The following SCAMP1 variants were observed in gnomAD, a reference collection of about 807,000 sequenced individuals.
SCAMP1 encodes secretory carrier-associated membrane protein 1.
SCAMP1 carries 15 observed loss-of-function variants against 41.8 expected under a neutral mutation model. The observed-to-expected ratio is 0.36, with a 90% confidence interval of 0.24 to 0.55. The LOEUF is 0.55. SCAMP1 is among the 20% of genes least tolerant of loss of function. The pLI, the probability that SCAMP1 is intolerant of heterozygous loss-of-function variation, is 0.86. For missense variants in SCAMP1, 341 were observed against 412.6 expected, an observed-to-expected ratio of 0.83 and a Z score of 1.50; for synonymous variants, 135 against 136.8, an observed-to-expected ratio of 0.99 and a Z score of 0.09.
chr5:78,447,258 A>G (rs1327755289), intron 6 of SCAMP1, among the ~76,000 whole-genome samples: 5 of 152,240 alleles, frequency 3.3e-5, no homozygotes, highest in African/African-American at 7.2e-5. Flanking sequence ...ACTCATTGCC[A>G]TGTTTTATAC....
At chr5:78,417,024 G>A (rs1466305865) in intron 4 of SCAMP1, among the ~76,000 whole-genome samples, 1 of 152,166 alleles carries the variant, frequency 6.6e-6, no homozygotes, top group African/African-American at 2.4e-5. Flanking sequence ...ATTTATTCAG[G>A]TTAATTTCAG....
chr5:78,432,245 A>G (rs971124514), intron 6 of SCAMP1, among the ~76,000 whole-genome samples: 3 of 152,016 alleles, frequency 2.0e-5, no homozygotes, highest in Non-Finnish European at 4.4e-5. Flanking sequence ...GGAAAAATGA[A>G]TTTTACATTG....
At chr5:78,416,819 T>C (rs187201130) in intron 4 of SCAMP1, among the ~76,000 whole-genome samples, 170 bp downstream of exon 4, 1 of 152,212 alleles carries the variant, frequency 6.6e-6, no homozygotes, top group Non-Finnish European at 1.5e-5. Flanking sequence ...AGCCTTCTAA[T>C]CTTGGCTGAT....
intron 8 of SCAMP1, among the ~76,000 whole-genome samples, chr5:78,466,460 A>AT (rs1205512594): frequency 1.3e-5 from 2 of 152,174 alleles, no homozygotes; most frequent in African/African-American, 4.8e-5. Context: ...GGAAGAGGAT[A>AT]AGAGGGATAA....
Position 78,378,783 on chromosome 5 carries a change from A to G in SCAMP1, c.58-10054A>G, listed in dbSNP as rs59002419. ...ACTCTGAAGAATATCTTTACTTGCTACTTAGAAGTTAATAAAATACAGAAG... is the reference window on the plus strand; with the variant it reads ...ACTCTGAAGAATATCTTTACTTGCTGCTTAGAAGTTAATAAAATACAGAAG... On this transcript the variant is annotated intron_variant, in intron 1 of 8. Coordinates refer to ENST00000621999, the MANE Select transcript of SCAMP1 (RefSeq NM_004866.6). Among the ~76,000 whole-genome samples, 1,182 of 152,348 alleles carry G rather than the reference A, an allele frequency of 7.8e-3. 17 individuals are homozygous for G. The highest frequency in any genetic ancestry group is 0.027 in the African/African-American group (1,127 of 41,582).
chr5:78,395,781 A>G (rs112523408), intron 2 of SCAMP1, among the ~76,000 whole-genome samples: 4,901 of 152,280 alleles, frequency 0.032, 246 homozygotes, highest in African/African-American at 0.1. Context: ...CAACATGGCC[A>G]CCTATTTTGG....
chr5:78,440,995 G>A (rs1752908278), intron 6 of SCAMP1, among the ~76,000 whole-genome samples: 1 of 152,184 alleles, frequency 6.6e-6, no homozygotes, highest in Non-Finnish European at 1.5e-5. Context: ...TGTGGGCGTG[G>A]GACCCTCCGA....
At chr5:78,467,835 A>G (rs1005193800) in intron 8 of SCAMP1, among the ~76,000 whole-genome samples, 2 of 152,206 alleles carry the variant, frequency 1.3e-5, no homozygotes, top group Admixed American at 6.5e-5. Flanking sequence ...TCCAATTTTA[A>G]AAACCTAATT....
At chr5:78,457,236 G>A (rs1178564788) in intron 7 of SCAMP1, among the ~76,000 whole-genome samples, 10 of 152,320 alleles carry the variant, frequency 6.6e-5, no homozygotes, top group Non-Finnish European at 8.8e-5. Flanking sequence ...GAGGAACTGC[G>A]TTCCTTTGGT....
intron 8 of SCAMP1, among the ~76,000 whole-genome samples, chr5:78,473,430 T>TG (rs1200036432): frequency 1.3e-5 from 2 of 152,314 alleles, no homozygotes; most frequent in African/African-American, 4.8e-5. Context: ...CCAGTCATTC[T>TG]TTCTTCTTGT....
At chr5:78,402,133 CA>C (rs2112111420) in intron 2 of SCAMP1, among the ~76,000 whole-genome samples, 1 of 149,650 alleles carries the variant, frequency 6.7e-6, no homozygotes, top group East Asian at 1.9e-4. Context: ...TGGGATGTTT[CA>C]GTTTTCTTCT....
intron 6 of SCAMP1, among the ~76,000 whole-genome samples, chr5:78,446,788 G>A (rs1187252617): frequency 6.6e-6 from 1 of 152,178 alleles, no homozygotes; most frequent in African/African-American, 2.4e-5. Context: ...TAGTACTGCT[G>A]CAATAAGATG....
chr5:78,452,232 G>C (rs1753254073), intron 7 of SCAMP1, among the ~76,000 whole-genome samples: 1 of 147,484 alleles, frequency 6.8e-6, no homozygotes, highest in Non-Finnish European at 1.5e-5. Flanking sequence ...TGTGCACATT[G>C]TGCAGGTTAG....
intron 6 of SCAMP1, among the ~76,000 whole-genome samples, chr5:78,439,565 G>T (rs1007164985): frequency 6.6e-6 from 1 of 152,098 alleles, no homozygotes; most frequent in Non-Finnish European, 1.5e-5. Context: ...TGGCTTGTAG[G>T]GTTTTTGCCG....
rs1395055328 is a variant in SCAMP1, at chr5:78,477,705, T to C, written c.*2037T>C. The C allele has an allele frequency of 6.6e-6, 1 of 152,140 alleles. No homozygotes were observed. The highest frequency in any genetic ancestry group is 1.5e-5 in the Non-Finnish European group (1 of 67,986). The allele number at this position is 152,140 out of a possible 1,614,324, so 9.4% of individuals were successfully genotyped here. A position where few individuals can be genotyped will look rare whatever the true frequency, so the allele number is the denominator to read the frequency against. The stretch of plus-strand genomic sequence containing the variant: ...AAGAATAATTAGAACCCACATATCT[T>C]TTTTTGTGTGGATGGGGAAAATGTT... On this transcript the variant is annotated 3_prime_UTR_variant, in exon 9 of 9. Transcript: ENST00000621999.
chr5:78,403,598 C>T (rs1344519478), intron 2 of SCAMP1, among the ~76,000 whole-genome samples: 1 of 152,066 alleles, frequency 6.6e-6, no homozygotes, highest in Non-Finnish European at 1.5e-5. Flanking sequence ...CAAAACCAGC[C>T]TAGGCAATGT....
intron 1 of SCAMP1, among the ~76,000 whole-genome samples, chr5:78,370,328 G>T (rs1750912488): frequency 6.6e-6 from 1 of 152,198 alleles, no homozygotes; most frequent in African/African-American, 2.4e-5. Flanking sequence ...CAGTGGGTGT[G>T]GGATATAAAA....
intron 8 of SCAMP1, among the ~76,000 whole-genome samples, chr5:78,465,974 A>G (rs924431304): frequency 1.3e-4 from 20 of 152,248 alleles, no homozygotes; most frequent in Non-Finnish European, 2.9e-4. Context: ...TCTACAAGAT[A>G]CCTTCACAGC....
chr5:78,361,572 C>T (rs1750653352), intron 1 of SCAMP1, among the ~76,000 whole-genome samples: 1 of 152,198 alleles, frequency 6.6e-6, no homozygotes, highest in Non-Finnish European at 1.5e-5. Flanking sequence ...GCACAGAATC[C>T]TGCAAAGGAA....
Sources: allele counts gnomAD v4.1 joint callset (sites outside exome capture counted in the v4.1 genomes callset), GRCh38; gene constraint gnomAD v4.1.1; transcripts MANE v1.5; gene names NCBI Gene and HGNC (gene_info 2026-07-23, HGNC 2026-07-21).